Variants in SYNE2 observed in about 807,000 individuals in gnomAD.
SYNE2 encodes the protein nesprin-2.
In SYNE2, 431 loss-of-function variants were observed where a neutral mutation model predicts 856.3. The observed-to-expected ratio is 0.50, with a 90% CI of 0.47 to 0.55. The LOEUF (loss-of-function observed/expected upper bound fraction) is 0.55, where lower values mean the gene tolerates loss of function less well. Among genes scored for constraint, SYNE2 ranks in the 20% least tolerant of loss-of-function variants. The pLI is 0.00. For synonymous variants in SYNE2, 2,923 were observed against 2,872.3 expected, an observed-to-expected ratio of 1.02 and a Z score of -0.56; for missense variants, 8,129 against 8,023.2, an observed-to-expected ratio of 1.01 and a Z score of -0.50.
chr14:64,040,521 T>C (rs1349370902), intron 45 of SYNE2, among the ~76,000 whole-genome samples: 1 of 151,090 alleles, frequency 6.6e-6, no homozygotes, highest in Admixed American at 6.6e-5. Context: ...TTAGTTAGAA[T>C]ATATGACTGA....
Position 63,960,598 on chromosome 14 carries a change from A to G in SYNE2, c.788-927A>G, listed in dbSNP as rs575453033. On this transcript the variant is annotated intron_variant, in intron 8 of 115. Coordinates refer to ENST00000555002, the MANE Select transcript of SYNE2 (RefSeq NM_182914.3). ...TAAGTTTAACTTAATTAATAAATAAACAGTGAAGTGTTTTTTTTTTTCCAA... is the reference window on the plus strand; with the variant it reads ...TAAGTTTAACTTAATTAATAAATAAGCAGTGAAGTGTTTTTTTTTTTCCAA... 3 of 585,264 alleles carry G rather than the reference A, an allele frequency of 5.1e-6. No homozygotes were observed. The South Asian group carries it at 6.3e-5, about 12-fold the overall frequency. The allele number at this position is 585,264 out of a possible 1,614,324, so 36.3% of individuals were successfully genotyped here.
intron 1 of SYNE2, among the ~76,000 whole-genome samples, chr14:63,773,108 A>G (rs1886981144): frequency 2.0e-5 from 3 of 151,922 alleles, no homozygotes; most frequent in Admixed American, 2.0e-4. Context: ...GTTATTTGCC[A>G]TTTTATTGTT....
At chr14:64,107,898 T>A (rs2097781529) in intron 65 of SYNE2, among the ~76,000 whole-genome samples, 1 of 152,206 alleles carries the variant, frequency 6.6e-6, no homozygotes, top group Non-Finnish European at 1.5e-5. Context: ...TAGATAGAAC[T>A]TATGGGGGCA....
intron 97 of SYNE2, 69 bp from the exon 98 acceptor site, chr14:64,188,481 T>C (rs1381582094): frequency 5.0e-6 from 8 of 1,584,162 alleles, no homozygotes; most frequent in Non-Finnish European, 6.9e-6. Flanking sequence ...ACTCAGTTTT[T>C]TTGAGGGAGA....
At chr14:64,049,565 T>A (rs772516933) in intron 46 of SYNE2, 46 bp from the exon 47 acceptor site, 1 of 1,596,974 alleles carries the variant, frequency 6.3e-7, no homozygotes, top group South Asian at 1.1e-5. Context: ...AATTAATGCA[T>A]AAATAAGTGA....
intron 32 of SYNE2, among the ~76,000 whole-genome samples, chr14:64,011,728 G>C (rs1048212192): frequency 6.6e-6 from 1 of 152,086 alleles, no homozygotes; most frequent in Non-Finnish European, 1.5e-5. Flanking sequence ...CCCATGCTGC[G>C]TGTGGCCTGT....
intron 32 of SYNE2, among the ~76,000 whole-genome samples, chr14:64,014,164 T>C: frequency 6.6e-6 from 1 of 152,228 alleles, no homozygotes; most frequent in East Asian, 1.9e-4. Flanking sequence ...ATAGCATTAT[T>C]CTGTGGAGAT....
intron 48 of SYNE2, 29 bp from the exon 49 acceptor site, chr14:64,055,915 G>A (rs1240974745): frequency 1.9e-6 from 3 of 1,591,280 alleles, no homozygotes; most frequent in East Asian, 2.2e-5. Flanking sequence ...TGACAATTTT[G>A]TCACAGCATT....
intron 1 of SYNE2, among the ~76,000 whole-genome samples, chr14:63,905,947 G>C (rs2095404821): frequency 6.6e-6 from 1 of 152,006 alleles, no homozygotes; most frequent in Admixed American, 6.6e-5. Flanking sequence ...TTCATAGATG[G>C]CTCTTATTAT....
chr14:64,060,928 C>G (rs1218520015), intron 49 of SYNE2, among the ~76,000 whole-genome samples: 1 of 152,146 alleles, frequency 6.6e-6, no homozygotes, highest in Non-Finnish European at 1.5e-5. Flanking sequence ...CAATGCAAAG[C>G]TCCCCAGTTG....
At position 64,219,124 on chromosome 14, in the gene SYNE2, T is replaced by TTTTTTTTA. The variant is rs369808458; in HGVS notation, c.19658-84_19658-83insTTTTTTTA. 3.2e-4 allele frequency: 269 copies of TTTTTTTTA among 845,848 alleles called. 1 individual carries two copies. The highest frequency in any genetic ancestry group is 4.0e-4 in the Non-Finnish European group (222 of 559,218). The allele number at this position is 845,848 out of a possible 1,614,324, so 52.4% of individuals were successfully genotyped here. Reference sequence around the variant, plus strand: ...TTTTTGTTTTTTTTTTTTTTTTTTTTAACCACCCTGACCCCTAATTAGCTG... The same window carrying TTTTTTTTA: ...TTTTTGTTTTTTTTTTTTTTTTTTTTTTTTTTTAAACCACCCTGACCCCTAATTAGCTG... On this transcript the variant is annotated intron_variant, in intron 109 of 115. Transcript: ENST00000555002.
At chr14:64,014,974 T>TATATATATATAC (rs1434593932) in intron 32 of SYNE2, among the ~76,000 whole-genome samples, 1 of 84,898 alleles carries the variant, frequency 1.2e-5, no homozygotes, top group Non-Finnish European at 2.3e-5. Flanking sequence ...TATATATATA[T>TATATATATATAC]ACACACACAC....
At chr14:64,207,906 T>A in intron 100 of SYNE2, 1 of 432,770 alleles carries the variant, frequency 2.3e-6, no homozygotes, top group Non-Finnish European at 4.6e-6. Flanking sequence ...CAGGGATGCC[T>A]AACTCTTCCA....
rs546933098 is a variant in SYNE2, at chr14:64,122,520, A to C, written c.13422+93A>C. 18 of 1,557,706 alleles carry C rather than the reference A, an allele frequency of 1.2e-5. No homozygotes were observed. In the East Asian group the frequency reaches 3.9e-4, roughly 34 times the overall value. ...TAAACATGTATATTCTCCAGAAAGC[A>C]AAGTTGCCAAGTGAGTTTTTTACTT... is the stretch of plus-strand genomic sequence containing the variant. On this transcript the variant is annotated intron_variant, in intron 70 of 115. Coordinates refer to ENST00000555002, the MANE Select transcript of SYNE2 (RefSeq NM_182914.3).
chr14:64,174,931 T>C lies in SYNE2; in HGVS notation c.17236-13T>C. 1 of 1,611,020 alleles carries C rather than the reference T, an allele frequency of 6.2e-7. No individual in the cohort carries two copies. The highest frequency in any genetic ancestry group is 8.5e-7 in the Non-Finnish European group (1 of 1,177,476). Reference sequence around the variant, plus strand: ...CAGAAACCTAAGCAAATTACTTCTCTTTTTTTTCTTAGAATAAAGAAATTC... The same window carrying C: ...CAGAAACCTAAGCAAATTACTTCTCCTTTTTTTCTTAGAATAAAGAAATTC... On this transcript the variant is annotated splice_polypyrimidine_tract_variant and intron_variant, in intron 94 of 115. Coordinates refer to ENST00000555002, the MANE Select transcript of SYNE2 (RefSeq NM_182914.3).
chr14:64,151,147 A>AT lies in SYNE2; in HGVS notation c.15640-1410dup, dbSNP rs370165103. ...TAGCTATCAGTTTCTTATGGAACAG[A>AT]TTTTTTTCCCTTTTTCTACTTTCCA... is the stretch of plus-strand genomic sequence containing the variant. On this transcript the variant is annotated intron_variant, in intron 84 of 115. Coordinates refer to ENST00000555002, the MANE Select transcript of SYNE2 (RefSeq NM_182914.3). Among the ~76,000 whole-genome samples, 26 of 152,068 alleles carry AT rather than the reference A, an allele frequency of 1.7e-4. 1 individual carries two copies. The highest frequency in any genetic ancestry group is 3.4e-3 in the Middle Eastern group (1 of 292).
chr14:64,170,081 T>C (rs1005843504), intron 93 of SYNE2, 147 bp from the exon 94 acceptor site: 41 of 771,054 alleles, frequency 5.3e-5, no homozygotes, highest in Non-Finnish European at 8.5e-5. Flanking sequence ...CATGTTTAAA[T>C]TGAATAGCAC....
At position 63,817,689 on chromosome 14, in the gene SYNE2, G is replaced by A. The variant is rs139893614; in HGVS notation, c.-304-34812G>A. 6.3e-3 allele frequency among the ~76,000 whole-genome samples: 952 copies of A among 152,222 alleles called. 6 individuals carry two copies. Among genetic ancestry groups the A allele is most frequent in the Non-Finnish European group, 0.011 (728 of 68,024 alleles). ...GTATGGTAATCTCTCAATACATGCAGAAAAAGCATGTAACAAAGTCCAATA... is the reference window on the plus strand; with the variant it reads ...GTATGGTAATCTCTCAATACATGCAAAAAAAGCATGTAACAAAGTCCAATA... On this transcript the variant is annotated intron_variant, in intron 1 of 23. Transcript: ENST00000674003.
At chr14:64,100,531 A>AAAAAAATATATATAT (rs1491537041) in intron 63 of SYNE2, among the ~76,000 whole-genome samples, 2 of 39,494 alleles carry the variant, frequency 5.1e-5, no homozygotes, top group Non-Finnish European at 9.3e-5. Flanking sequence ...AAAAAAAAAA[A>AAAAAAATATATATAT]ATATATATAT....
Sources: allele counts gnomAD v4.1 joint callset (sites outside exome capture counted in the v4.1 genomes callset), GRCh38; gene constraint gnomAD v4.1.1; transcripts MANE v1.5; gene names NCBI Gene and HGNC (gene_info 2026-07-23, HGNC 2026-07-21).